The following SLC16A7 variants were observed in gnomAD, a reference collection of about 807,000 sequenced individuals.
SLC16A7 encodes the protein monocarboxylate transporter 2.
SLC16A7 carries 33 observed loss-of-function variants against 34.9 expected under a neutral mutation model. The ratio of observed to expected loss-of-function variants is 0.94; its 90% CI spans 0.72 to 1.26. SLC16A7 has a LOEUF of 1.26. Ranked by LOEUF, SLC16A7 falls within the 50% of genes most tolerant of loss-of-function variation. SLC16A7 has a pLI of 0.00. For synonymous variants in SLC16A7, 201 were observed against 206.6 expected, an observed-to-expected ratio of 0.97 and a Z score of 0.23; for missense variants, 573 against 578.1, an observed-to-expected ratio of 0.99 and a Z score of 0.09.
chr12:59,693,871 A>T (rs1181097541), intron 2 of SLC16A7, among the ~76,000 whole-genome samples: 1 of 151,872 alleles, frequency 6.6e-6, no homozygotes, highest in Non-Finnish European at 1.5e-5. Flanking sequence ...ATGAAAAAAA[A>T]TACTAGTTGT....
chr12:59,645,647 T>C (rs1880876420), intron 1 of SLC16A7, among the ~76,000 whole-genome samples: 1 of 152,070 alleles, frequency 6.6e-6, no homozygotes, highest in Non-Finnish European at 1.5e-5. Context: ...AACAGATTAA[T>C]ACAGTAAATT....
chr12:59,612,513 C>T (rs1592389417), intron 1 of SLC16A7, among the ~76,000 whole-genome samples: 1 of 152,122 alleles, frequency 6.6e-6, no homozygotes, highest in African/African-American at 2.4e-5. Context: ...GACATTTTCC[C>T]CATTGTCTTG....
At chr12:59,684,877 G>C (rs955557567) in intron 2 of SLC16A7, among the ~76,000 whole-genome samples, 16 of 152,058 alleles carry the variant, frequency 1.1e-4, no homozygotes, top group Middle Eastern at 3.2e-3. Context: ...AGGTCTTTAG[G>C]GGGAGGCAAA....
At chr12:59,756,265 T>C (rs1371219295) in intron 3 of SLC16A7, among the ~76,000 whole-genome samples, 2 of 152,258 alleles carry the variant, frequency 1.3e-5, no homozygotes, top group Non-Finnish European at 2.9e-5. Context: ...TGAGATCTAA[T>C]TAAACTAAAG....
intron 1 of SLC16A7, among the ~76,000 whole-genome samples, chr12:59,601,950 G>GT (rs1313922155): frequency 5.3e-5 from 8 of 152,122 alleles, no homozygotes; most frequent in Non-Finnish European, 8.8e-5. Flanking sequence ...CATTAAGTCC[G>GT]TAACAATGAT....
At chr12:59,737,503 T>G (rs981132171) in intron 3 of SLC16A7, among the ~76,000 whole-genome samples, 5 of 152,202 alleles carry the variant, frequency 3.3e-5, no homozygotes, top group African/African-American at 1.2e-4. Context: ...AACTATGTCC[T>G]CTTAGGCATT....
chr12:59,709,444 T>G (rs1873965898), intron 3 of SLC16A7, among the ~76,000 whole-genome samples: 1 of 151,604 alleles, frequency 6.6e-6, no homozygotes, highest in Admixed American at 6.6e-5. Flanking sequence ...AGGTTGGTGG[T>G]CATAATGTAC....
At chr12:59,607,841 T>A (rs1381644646) in intron 1 of SLC16A7, among the ~76,000 whole-genome samples, 1 of 152,180 alleles carries the variant, frequency 6.6e-6, no homozygotes, top group Non-Finnish European at 1.5e-5. Context: ...AGGAAACAGA[T>A]GTATCAAATA....
intron 2 of SLC16A7, among the ~76,000 whole-genome samples, chr12:59,699,276 C>T (rs988709024): frequency 1.1e-4 from 17 of 151,348 alleles, no homozygotes; most frequent in African/African-American, 4.1e-4. Flanking sequence ...AAGCTTTTTT[C>T]CTTTGGTGTA....
intron 3 of SLC16A7, among the ~76,000 whole-genome samples, chr12:59,715,158 T>A (rs965534698): frequency 2.0e-5 from 3 of 152,208 alleles, no homozygotes; most frequent in Non-Finnish European, 2.9e-5. Context: ...TTATGCTCTA[T>A]AAAGTTGCCA....
chr12:59,648,704 T>C (rs570088498), intron 1 of SLC16A7, among the ~76,000 whole-genome samples: 2 of 152,100 alleles, frequency 1.3e-5, no homozygotes, highest in Admixed American at 1.3e-4. Flanking sequence ...ACAGGATTGA[T>C]TGAAATAAAA....
chr12:59,599,508 G>T (rs576089295), intron 1 of SLC16A7, among the ~76,000 whole-genome samples: 7 of 152,150 alleles, frequency 4.6e-5, no homozygotes, highest in African/African-American at 1.4e-4. Context: ...AAAGAAGGAA[G>T]AAATTAAAAG....
intron 1 of SLC16A7, among the ~76,000 whole-genome samples, chr12:59,619,440 A>G (rs866879035): frequency 5.9e-5 from 9 of 152,092 alleles, no homozygotes; most frequent in African/African-American, 2.2e-4. Flanking sequence ...ATTTTTCCTC[A>G]TCTGGCTTCA....
intron 1 of SLC16A7, among the ~76,000 whole-genome samples, chr12:59,605,447 A>G (rs1878892247): frequency 6.6e-6 from 1 of 152,208 alleles, no homozygotes; most frequent in South Asian, 2.1e-4. Flanking sequence ...CAGTGAGTGC[A>G]TGAACAGAGT....
At chr12:59,637,321 T>C (rs1880473425) in intron 1 of SLC16A7, among the ~76,000 whole-genome samples, 1 of 152,106 alleles carries the variant, frequency 6.6e-6, no homozygotes. Flanking sequence ...ACTGGTAAAA[T>C]GCATTTTGGG....
At chr12:59,618,668 C>T (rs978248807) in intron 1 of SLC16A7, among the ~76,000 whole-genome samples, 3 of 151,926 alleles carry the variant, frequency 2.0e-5, no homozygotes, top group African/African-American at 7.2e-5. Flanking sequence ...GTTAATCACA[C>T]TCTTAAGGTG....
chr12:59,621,939 T>C (rs1380605354), intron 1 of SLC16A7, among the ~76,000 whole-genome samples: 1 of 151,756 alleles, frequency 6.6e-6, no homozygotes, highest in East Asian at 1.9e-4. Flanking sequence ...GTCTACTTTT[T>C]CCATTCCACC....
At chr12:59,699,694 CAT>C (rs1872674559) in intron 2 of SLC16A7, among the ~76,000 whole-genome samples, 1 of 151,712 alleles carries the variant, frequency 6.6e-6, no homozygotes. Context: ...TCAGAAATGA[CAT>C]ATGGTCAATC....
chr12:59,789,324 AG>A lies in SLC16A7; in HGVS notation c.*9646del, dbSNP rs1436101443. On this transcript the variant is annotated 3_prime_UTR_variant, in exon 6 of 6. Transcript: ENST00000547379. ...AAGACATAGAAAACAAAACACCTGTAGCATTTTCTTTATTTAAAATTGAAAC... is the reference window on the plus strand; with the variant it reads ...AAGACATAGAAAACAAAACACCTGTACATTTTCTTTATTTAAAATTGAAAC... 1 of 152,186 alleles carries A rather than the reference AG, an allele frequency of 6.6e-6. No individual in the cohort carries two copies. Among genetic ancestry groups the A allele is most frequent in the African/African-American group, 2.4e-5 (1 of 41,466 alleles). The allele number at this position is 152,186 out of a possible 1,614,324, so 9.4% of individuals were successfully genotyped here. A position where few individuals can be genotyped will look rare whatever the true frequency, so the allele number is the denominator to read the frequency against.
Sources: allele counts gnomAD v4.1 joint callset (sites outside exome capture counted in the v4.1 genomes callset), GRCh38; gene constraint gnomAD v4.1.1; transcripts MANE v1.5; gene names NCBI Gene and HGNC (gene_info 2026-07-23, HGNC 2026-07-21).